The following IMMT variants were observed in gnomAD, a reference collection of about 807,000 sequenced individuals.
IMMT encodes the protein MICOS complex subunit MIC60.
IMMT carries 40 observed loss-of-function variants against 92.7 expected under a neutral mutation model. The observed-to-expected ratio is 0.43, with a 90% CI of 0.34 to 0.56. The LOEUF (loss-of-function observed/expected upper bound fraction) is 0.56. IMMT is among the 20% of genes least tolerant of loss of function. IMMT has a pLI of 0.03. For synonymous variants in IMMT, 322 were observed against 336.1 expected, an observed-to-expected ratio of 0.96 and a Z score of 0.46; for missense variants, 831 against 912.1, an observed-to-expected ratio of 0.91 and a Z score of 1.14.
At chr2:86,167,570 C>T (rs1396462909) in intron 6 of IMMT, among the ~76,000 whole-genome samples, 2 of 150,910 alleles carry the variant, frequency 1.3e-5, no homozygotes, top group African/African-American at 2.4e-5. Context: ...CTGCAACCTC[C>T]GCCTCCTGGG....
intron 1 of IMMT, among the ~76,000 whole-genome samples, chr2:86,194,637 G>C (rs770264396): frequency 2.0e-5 from 3 of 152,072 alleles, no homozygotes; most frequent in Non-Finnish European, 4.4e-5. Flanking sequence ...TGGCAATTAC[G>C]CAAAACTAGA....
chr2:86,147,576 G>T, intron 13 of IMMT, 126 bp downstream of exon 13: 1 of 807,616 alleles, frequency 1.2e-6, no homozygotes, highest in Non-Finnish European at 1.9e-6. Context: ...GTAAAAAGAA[G>T]CAGTTTTGTA....
Position 86,190,797 on chromosome 2 carries a change from G to A in IMMT, c.45+4541C>T, listed in dbSNP as rs149787756. On this transcript the variant is annotated intron_variant, in intron 1 of 14. Coordinates refer to ENST00000410111, the MANE Select transcript of IMMT (RefSeq NM_006839.3). ...GACGTCAGGAGATCGAGACCATCCC[G>A]GCTAATATGGTGAAACCCTGTCTCT... Among the ~76,000 whole-genome samples, 299 of 152,186 alleles carry A rather than the reference G, an allele frequency of 2.0e-3. 1 individual carries two copies. Among genetic ancestry groups the A allele is most frequent in the African/African-American group, 6.9e-3 (288 of 41,524 alleles).
rs1222179287 is a variant in IMMT, at chr2:86,173,725, C to T, written c.346G>A (p.Glu116Lys). 1.2e-6 allele frequency: 2 copies of T among 1,606,852 alleles called. No homozygotes were observed. The highest frequency in any genetic ancestry group is 1.7e-5 in the Admixed American group (1 of 59,816). The change falls in exon 4 of 15, where the codon GAA becomes AAA. Residue 116 changes from glutamate to lysine, a missense_variant. Coordinates refer to ENST00000410111, the MANE Select transcript of IMMT (RefSeq NM_006839.3). ...SGPLKISSVS[E>K]VMKESKQPAS... ...GGCTGTTTAGATTCTTTCATTACTT[C>T]TGATACACTAGAGATTTTTAGTGGA...
chr2:86,158,505 T>A, intron 10 of IMMT, 87 bp downstream of exon 10: 2 of 1,104,162 alleles, frequency 1.8e-6, no homozygotes, highest in Non-Finnish European at 2.6e-6. Context: ...CAGAGGGATG[T>A]GGACTACAAT....
chr2:86,168,595 C>G lies in IMMT; in HGVS notation c.656-1951G>C, dbSNP rs184778635. On this transcript the variant is annotated intron_variant, in intron 6 of 14. Transcript: ENST00000410111. The stretch of plus-strand genomic sequence containing the variant: ...CCGATATTGCACCACTGCACTCCAG[C>G]CTAGGTGACAGAGTGAGACTCTGTC... Among the ~76,000 whole-genome samples, 7 of 152,068 alleles carry G rather than the reference C, an allele frequency of 4.6e-5. No homozygotes were observed. The East Asian group carries it at 9.7e-4, about 21-fold the overall frequency.
At chr2:86,146,296 C>T in intron 13 of IMMT, 99 bp from the exon 14 acceptor site, 1 of 975,732 alleles carries the variant, frequency 1.0e-6, no homozygotes, top group Non-Finnish European at 1.5e-6. Context: ...GCAAAGAGGG[C>T]CTTAGAGTTG....
At chr2:86,194,326 T>C (rs1558847475) in intron 1 of IMMT, among the ~76,000 whole-genome samples, 2 of 152,210 alleles carry the variant, frequency 1.3e-5, no homozygotes, top group Non-Finnish European at 2.9e-5. Context: ...TGGGTGTTGT[T>C]TTAAGCTGCT....
Position 86,164,453 on chromosome 2 carries a change from G to T in IMMT, c.792+2055C>A, listed in dbSNP as rs181094033. On this transcript the variant is annotated intron_variant, in intron 7 of 14. Transcript: ENST00000410111. ...GCCTATAATCCCAGCACTTTTGGGA[G>T]GTGGAGGCAGGTAGATCACTTGAGG... 2.0e-5 allele frequency among the ~76,000 whole-genome samples: 3 copies of T among 152,084 alleles called. No individual in the cohort carries two copies. In the East Asian group the frequency reaches 5.8e-4, roughly 30 times the overall value.
Position 86,146,137 on chromosome 2 carries a change from C to T in IMMT, c.1594G>A (p.Val532Ile). ...TTTATATCCAGAGTAAAGTTGTCAA[C>T]TTGCTCTTGACTGAGACGACGAAAT... ...LQFRRLSQEQ[V>I]DNFTLDINTA... Residue 532 changes from valine to isoleucine, a missense_variant, in exon 14 of 15, where the codon GTT becomes ATT. Physicochemically the swap from Val to Ile is conservative, Grantham distance 29. Transcript: ENST00000410111. 2 of 1,608,534 alleles carry T rather than the reference C, an allele frequency of 1.2e-6. No homozygotes were observed. The highest frequency in any genetic ancestry group is 1.7e-6 in the Non-Finnish European group (2 of 1,176,136).
chr2:86,147,959 G>GC (rs1299961001), intron 12 of IMMT, 126 bp from the exon 13 acceptor site: 88 of 810,028 alleles, frequency 1.1e-4, no homozygotes, highest in Non-Finnish European at 1.4e-4. Flanking sequence ...AATGTGCCAG[G>GC]CATGTGTACA....
intron 1 of IMMT, among the ~76,000 whole-genome samples, chr2:86,190,370 G>A (rs76227800): frequency 0.014 from 2,118 of 152,268 alleles, 25 homozygotes; most frequent in Non-Finnish European, 0.019. Flanking sequence ...AAGCTGGAGC[G>A]GTTGATCCTC....
intron 3 of IMMT, among the ~76,000 whole-genome samples, chr2:86,175,018 G>A (rs1474337466): frequency 6.6e-6 from 1 of 152,176 alleles, no homozygotes; most frequent in African/African-American, 2.4e-5. Context: ...TTTAACAGAT[G>A]TTAACAGATC....
At chr2:86,172,266 G>T (rs1045129326) in intron 4 of IMMT, among the ~76,000 whole-genome samples, 1 of 151,730 alleles carries the variant, frequency 6.6e-6, no homozygotes, top group Non-Finnish European at 1.5e-5. Context: ...CACTGTGCCC[G>T]GCCTTGGTTT....
chr2:86,148,883 T>A (rs1457046464), intron 12 of IMMT, among the ~76,000 whole-genome samples: 1 of 149,484 alleles, frequency 6.7e-6, no homozygotes, highest in Non-Finnish European at 1.5e-5. Flanking sequence ...TAAGTATTTA[T>A]GAAGTGCTAC....
intron 10 of IMMT, among the ~76,000 whole-genome samples, chr2:86,154,005 G>A (rs1427082465): frequency 2.6e-5 from 4 of 151,308 alleles, no homozygotes; most frequent in African/African-American, 9.7e-5. Context: ...TTGGACTAGA[G>A]GTGTATGCCA....
rs756633355 is a variant in IMMT at position 86,151,446 on chromosome 2, C to T, written c.1252G>A (p.Glu418Lys). The change falls in exon 12 of 15, where the codon GAG (glutamate) becomes AAG (lysine). Residue 418 changes from glutamate to lysine, a missense_variant. Transcript: ENST00000410111. ...AHRRIDQLNR[E>K]LAEQKATEKQ... ...TCGGTGGCCTTCTGTTCTGCCAGCT[C>T]TCTGTTCAGCTGATCAATACGACGA... The T allele has an allele frequency of 1.9e-6, 3 of 1,613,870 alleles. No individual in the cohort carries two copies. In the Admixed American group the frequency reaches 5.0e-5, roughly 27 times the overall value.
intron 8 of IMMT, among the ~76,000 whole-genome samples, chr2:86,161,512 C>CTTT (rs35243118): frequency 1.1e-4 from 12 of 108,456 alleles, no homozygotes; most frequent in Admixed American, 2.0e-4. Flanking sequence ...GTACAAATTC[C>CTTT]TTTTTTTTTT....
At position 86,144,333 on chromosome 2, in the gene IMMT, C is replaced by T; in HGVS notation, c.2212G>A (p.Val738Met). ...ARMTLETKQI[V>M]EILTAYASAV... is the part of the protein sequence containing the mutation. ...CTGGCATATGCTGTCAGGATTTCCA[C>T]TATCTGTTTCGTTTCTAGGGTCATT... The change falls in exon 15 of 15, where the codon GTG (valine) becomes ATG (methionine). Residue 738 changes from valine to methionine, a missense_variant. By Grantham distance (21) the Val-to-Met change is conservative. Coordinates refer to ENST00000410111, the MANE Select transcript of IMMT (RefSeq NM_006839.3). 6.2e-7 allele frequency: 1 copy of T among 1,613,990 alleles called. No individual in the cohort carries two copies. Among genetic ancestry groups the T allele is most frequent in the African/African-American group, 1.3e-5 (1 of 75,040 alleles).
Sources: allele counts gnomAD v4.1 joint callset (sites outside exome capture counted in the v4.1 genomes callset), GRCh38; gene constraint gnomAD v4.1.1; transcripts MANE v1.5; gene names NCBI Gene and HGNC (gene_info 2026-07-23, HGNC 2026-07-21).